CXCL13: variants seen among roughly 807,000 people sequenced by gnomAD.
The protein encoded by CXCL13 is C-X-C motif chemokine ligand 13.
Under a neutral mutation model 12.2 loss-of-function variants are expected in CXCL13, and 7 were observed. The ratio of observed to expected loss-of-function variants is 0.57; its 90% CI spans 0.33 to 1.07. The LOEUF (loss-of-function observed/expected upper bound fraction) is 1.07, where lower values mean the gene tolerates loss of function less well. Ranked by LOEUF, CXCL13 falls within the 50% of genes least tolerant of loss-of-function variation. The pLI, the probability that CXCL13 is intolerant of heterozygous loss-of-function variation, is 0.04. For synonymous variants in CXCL13, 47 were observed against 42.4 expected (o/e 1.11, Z -0.42); for missense variants, 113 against 127.4 (o/e 0.89, Z 0.55).
intron 1 of CXCL13, among the ~76,000 whole-genome samples, chr4:77,564,273 G>C (rs373660680): frequency 8.5e-5 from 13 of 152,174 alleles, no homozygotes; most frequent in Admixed American, 3.3e-4. Context: ...TGAAAGATTT[G>C]CTGCAGAGAG....
At chr4:77,532,550 C>G (rs930333769) in intron 1 of CXCL13, among the ~76,000 whole-genome samples, 2 of 152,114 alleles carry the variant, frequency 1.3e-5, no homozygotes, top group Non-Finnish European at 2.9e-5. Flanking sequence ...CGAGGAGTAT[C>G]TTTGTGGCGT....
At chr4:77,601,873 A>G (rs1405095418), upstream of CXCL13, among the ~76,000 whole-genome samples, 2 of 152,194 alleles carry the variant, frequency 1.3e-5, no homozygotes, top group Non-Finnish European at 2.9e-5. Context: ...TGGAGTCGGG[A>G]TACAAACCGA....
chr4:77,553,067 C>T (rs1467590113), intron 1 of CXCL13, among the ~76,000 whole-genome samples: 1 of 152,120 alleles, frequency 6.6e-6, no homozygotes, highest in African/African-American at 2.4e-5. Flanking sequence ...TGGAAAGGGG[C>T]CCTACTGCAT....
intron 1 of CXCL13, among the ~76,000 whole-genome samples, chr4:77,566,925 GTGACCTGCACCTA>G (rs1725936606): frequency 1.3e-5 from 2 of 152,172 alleles, no homozygotes; most frequent in Non-Finnish European, 2.9e-5. Flanking sequence ...CATATCCCCT[GTGACCTGCACCTA>G]TACATCCAGA....
intron 1 of CXCL13, among the ~76,000 whole-genome samples, chr4:77,537,981 C>A (rs542383921): frequency 6.6e-6 from 1 of 152,092 alleles, no homozygotes; most frequent in African/African-American, 2.4e-5. Flanking sequence ...AATCTAAGCC[C>A]AAAGTTAGAG....
At chr4:77,517,466 G>A (rs1409784657) in intron 1 of CXCL13, among the ~76,000 whole-genome samples, 5 of 152,044 alleles carry the variant, frequency 3.3e-5, no homozygotes, top group South Asian at 2.1e-4. Context: ...GTCACTCAGG[G>A]CTTGCTTTAT....
intron 1 of CXCL13, among the ~76,000 whole-genome samples, chr4:77,593,680 A>C (rs1726673305): frequency 6.6e-6 from 1 of 152,242 alleles, no homozygotes; most frequent in South Asian, 2.1e-4. Context: ...CTCAAAATTT[A>C]AATGGTCAGT....
chr4:77,524,368 G>C (rs1036387791), intron 1 of CXCL13, among the ~76,000 whole-genome samples: 7 of 152,200 alleles, frequency 4.6e-5, no homozygotes, highest in Admixed American at 3.3e-4. Context: ...AGGCCTTGCT[G>C]AGCTGTGGTG....
chr4:77,569,991 C>T lies in CXCL13; in HGVS notation c.-42-35833C>T, dbSNP rs184873945. Among the ~76,000 whole-genome samples the T allele has an allele frequency of 4.9e-4, 74 of 152,300 alleles. 1 individual carries two copies. The highest frequency in any genetic ancestry group is 1.5e-3 in the African/African-American group (64 of 41,578). On this transcript the variant is annotated intron_variant, in intron 1 of 4. Transcript: ENST00000286758. ...GGCAGCATGCCTACAACTATCTGAT[C>T]TTCAACAAAACTGACAAAAACAAGC...
chr4:77,585,623 G>T (rs754458587), intron 1 of CXCL13, among the ~76,000 whole-genome samples: 6 of 152,192 alleles, frequency 3.9e-5, no homozygotes, highest in Non-Finnish European at 8.8e-5. Flanking sequence ...GAGAGACGCT[G>T]TGTCACCCAG....
intron 1 of CXCL13, among the ~76,000 whole-genome samples, chr4:77,573,385 TGTG>T (rs1726136713): frequency 2.0e-5 from 3 of 150,060 alleles, no homozygotes; most frequent in African/African-American, 7.5e-5. Flanking sequence ...TGTGTGTGTG[TGTG>T]TGTGTGTGTG....
At chr4:77,580,283 T>A (rs1726288394) in intron 1 of CXCL13, among the ~76,000 whole-genome samples, 1 of 147,828 alleles carries the variant, frequency 6.8e-6, no homozygotes, top group African/African-American at 2.5e-5. Context: ...AGAATATATA[T>A]TTTTTAAAAA....
At chr4:77,549,410 G>C (rs773922405) in intron 1 of CXCL13, among the ~76,000 whole-genome samples, 4 of 152,238 alleles carry the variant, frequency 2.6e-5, no homozygotes, top group Non-Finnish European at 5.9e-5. Context: ...TGGAGGAGAA[G>C]AGGTGCTCTG....
At chr4:77,531,378 G>A (rs1341432059) in intron 1 of CXCL13, among the ~76,000 whole-genome samples, 1 of 146,960 alleles carries the variant, frequency 6.8e-6, no homozygotes, top group African/African-American at 2.5e-5. Context: ...GTGTTTGGTG[G>A]GTTCTAGTTT....
chr4:77,565,546 A>G (rs1404094095), intron 1 of CXCL13, among the ~76,000 whole-genome samples: 3 of 152,216 alleles, frequency 2.0e-5, no homozygotes, highest in Non-Finnish European at 4.4e-5. Flanking sequence ...TTGCAGGGTC[A>G]ATTCAGACGC....
At chr4:77,518,993 T>A (rs1724502452) in intron 1 of CXCL13, among the ~76,000 whole-genome samples, 2 of 152,332 alleles carry the variant, frequency 1.3e-5, no homozygotes, top group Admixed American at 6.5e-5. Flanking sequence ...TTTCTGTTTG[T>A]TAGTTTTCCT....
chr4:77,599,098 C>T (rs562060374), intron 1 of CXCL13, among the ~76,000 whole-genome samples: 6 of 151,898 alleles, frequency 4.0e-5, no homozygotes, highest in East Asian at 1.9e-4. Context: ...CATGAGCCAC[C>T]GCACCCGGCC....
Position 77,607,835 on chromosome 4 carries a change from T to C in CXCL13, c.197T>C (p.Ile66Thr). The change falls in exon 2 of 4, where the codon ATA (isoleucine) becomes ACA (threonine). Residue 66 changes from isoleucine to threonine, a missense_variant and splice_region_variant. Ile to Thr is a moderately conservative substitution (Grantham distance 89). Coordinates refer to ENST00000682537, the MANE Select transcript of CXCL13 (RefSeq NM_001371558.1). ...AATGGTTGTCCAAGAAAAGAAATCATGTAAGTTTCAAGAGAAAAATAAATA... is the reference window on the plus strand; with the variant it reads ...AATGGTTGTCCAAGAAAAGAAATCACGTAAGTTTCAAGAGAAAAATAAATA... ...RGNGCPRKEI[I>T]VWKKNKSIVC... 4 of 1,613,860 alleles carry C rather than the reference T, an allele frequency of 2.5e-6. No individual in the cohort carries two copies. The highest frequency in any genetic ancestry group is 3.4e-6 in the Non-Finnish European group (4 of 1,179,852).
At chr4:77,544,016 C>T (rs540121624) in intron 1 of CXCL13, among the ~76,000 whole-genome samples, 46 of 152,066 alleles carry the variant, frequency 3.0e-4, no homozygotes, top group Middle Eastern at 3.4e-3. Context: ...TCTGTCCTTG[C>T]GATATTTTGC....
Sources: allele counts gnomAD v4.1 joint callset (sites outside exome capture counted in the v4.1 genomes callset), GRCh38; gene constraint gnomAD v4.1.1; transcripts MANE v1.5; gene names NCBI Gene and HGNC (gene_info 2026-07-23, HGNC 2026-07-21).